The following FHIT variants were observed in gnomAD, a reference collection of about 807,000 sequenced individuals.
The protein encoded by FHIT is fragile histidine triad diadenosine triphosphatase, also known as bis(5'-adenosyl)-triphosphatase.
In FHIT, 19 loss-of-function variants were observed where a neutral mutation model predicts 17.9. The observed-to-expected ratio is 1.06, with a 90% CI of 0.74 to 1.56. The LOEUF is 1.56. Ranked by LOEUF, FHIT falls within the 40% of genes most tolerant of loss-of-function variation. The probability of loss-of-function intolerance (pLI) is 0.00; values close to 1 mark genes in which losing one functional copy is unlikely to be tolerated. For synonymous variants in FHIT, 81 were observed against 69.7 expected, an observed-to-expected ratio of 1.16 and a Z score of -0.81; for missense variants, 248 against 189.2, an observed-to-expected ratio of 1.31 and a Z score of -1.82.
At chr3:60,217,691 T>C (rs1559736000) in intron 5 of FHIT, among the ~76,000 whole-genome samples, 1 of 152,158 alleles carries the variant, frequency 6.6e-6, no homozygotes, top group Non-Finnish European at 1.5e-5. Flanking sequence ...TCACTCAACA[T>C]ATTCAAACCA....
At chr3:61,110,844 C>G (rs538022640) in intron 2 of FHIT, among the ~76,000 whole-genome samples, 5 of 152,148 alleles carry the variant, frequency 3.3e-5, no homozygotes, top group South Asian at 2.1e-4. Context: ...AAGTTCTTTA[C>G]TCTTGAAAAA....
At chr3:60,117,432 C>G (rs1705017372) in intron 5 of FHIT, among the ~76,000 whole-genome samples, 1 of 141,344 alleles carries the variant, frequency 7.1e-6, no homozygotes, top group Admixed American at 7.5e-5. Context: ...CAGTGATTAG[C>G]ATTCCTGTAC....
At chr3:60,823,255 A>C (rs1398694432) in intron 3 of FHIT, among the ~76,000 whole-genome samples, 1 of 152,182 alleles carries the variant, frequency 6.6e-6, no homozygotes, top group East Asian at 1.9e-4. Flanking sequence ...AGAAACACAA[A>C]GTAGGAAGGG....
intron 8 of FHIT, among the ~76,000 whole-genome samples, chr3:59,874,913 G>A (rs1172283135): frequency 6.6e-6 from 1 of 152,130 alleles, no homozygotes; most frequent in East Asian, 1.9e-4. Flanking sequence ...CCACAAGACA[G>A]CTTCCATTTT....
chr3:60,456,531 C>T (rs1463288245), intron 5 of FHIT, among the ~76,000 whole-genome samples: 5 of 152,178 alleles, frequency 3.3e-5, no homozygotes, highest in African/African-American at 1.2e-4. Context: ...GCATTTAACT[C>T]GACTTCCCCA....
At chr3:60,951,565 A>C (rs545858737) in intron 3 of FHIT, among the ~76,000 whole-genome samples, 12 of 152,240 alleles carry the variant, frequency 7.9e-5, no homozygotes, top group Non-Finnish European at 1.2e-4. Context: ...ACTGGAATGC[A>C]GGTCTCTTGA....
intron 4 of FHIT, among the ~76,000 whole-genome samples, chr3:60,809,547 A>G (rs781948762): frequency 6.6e-6 from 1 of 152,176 alleles, no homozygotes; most frequent in Non-Finnish European, 1.5e-5. Flanking sequence ...TCTCCTCTGA[A>G]GTTTCACTGA....
chr3:60,124,775 G>C (rs12107521), intron 5 of FHIT, among the ~76,000 whole-genome samples: 14 of 152,084 alleles, frequency 9.2e-5, no homozygotes, highest in Admixed American at 9.2e-4. Context: ...ACCCATGTTT[G>C]ACACCAACTA....
At chr3:61,199,578 G>A (rs1560064548) in intron 2 of FHIT, among the ~76,000 whole-genome samples, 1 of 151,978 alleles carries the variant, frequency 6.6e-6, no homozygotes, top group Non-Finnish European at 1.5e-5. Flanking sequence ...TCTAAAAGGG[G>A]TTTTCTCCAA....
At chr3:60,012,582 T>C (rs180939324) in intron 6 of FHIT, among the ~76,000 whole-genome samples, 1 of 152,282 alleles carries the variant, frequency 6.6e-6, no homozygotes, top group East Asian at 1.9e-4. Context: ...AATCAGATCT[T>C]AATAGAATAA....
At chr3:60,310,349 A>C (rs1576456574) in intron 5 of FHIT, among the ~76,000 whole-genome samples, 1 of 152,162 alleles carries the variant, frequency 6.6e-6, no homozygotes, top group Admixed American at 6.6e-5. Context: ...ACTGGTGCTG[A>C]AAAGAATAAG....
chr3:60,481,442 AC>A (rs1231398882), intron 5 of FHIT, among the ~76,000 whole-genome samples: 2 of 152,208 alleles, frequency 1.3e-5, no homozygotes, highest in African/African-American at 4.8e-5. Context: ...CAGGTCACCA[AC>A]AAAGGGAATC....
intron 2 of FHIT, among the ~76,000 whole-genome samples, chr3:61,148,443 A>T (rs2107035103): frequency 6.6e-6 from 1 of 152,258 alleles, no homozygotes; most frequent in South Asian, 2.1e-4. Context: ...TTTTACACAA[A>T]TGGAAGCATA....
At chr3:59,845,683 T>C (rs1038144303) in intron 8 of FHIT, among the ~76,000 whole-genome samples, 20 of 152,138 alleles carry the variant, frequency 1.3e-4, no homozygotes, top group African/African-American at 4.6e-4. Flanking sequence ...GAGACTTCAT[T>C]TGTGGCCTTG....
intron 9 of FHIT, 60 bp from the exon 10 acceptor site, chr3:59,749,639 T>TAGGAACA (rs1700776268): frequency 4.4e-6 from 1 of 228,706 alleles, no homozygotes. Context: ...ATCTTCTCTG[T>TAGGAACA]AGGAACAATG....
intron 8 of FHIT, among the ~76,000 whole-genome samples, chr3:59,869,484 C>CTTT (rs59589849): frequency 2.8e-5 from 3 of 105,460 alleles, no homozygotes; most frequent in African/African-American, 8.3e-5. Flanking sequence ...AAAGAACATC[C>CTTT]TTTTTTTTTT....
intron 5 of FHIT, among the ~76,000 whole-genome samples, chr3:60,380,973 CAG>C (rs10612042): frequency 0.32 from 48,027 of 151,976 alleles, 8,082 homozygotes; most frequent in Non-Finnish European, 0.37. Context: ...AAAAGCCACA[CAG>C]AGTGTTCCTA....
At chr3:60,129,225 G>A (rs1167755448) in intron 5 of FHIT, among the ~76,000 whole-genome samples, 1 of 151,644 alleles carries the variant, frequency 6.6e-6, no homozygotes, top group African/African-American at 2.4e-5. Flanking sequence ...GCTAATTTTT[G>A]TCTTTTTAGT....
chr3:59,805,477 G>T (rs1007239315), intron 8 of FHIT, among the ~76,000 whole-genome samples: 1 of 152,106 alleles, frequency 6.6e-6, no homozygotes, highest in Non-Finnish European at 1.5e-5. Flanking sequence ...TTGGAGAGGT[G>T]CCCTGAAGAA....
Sources: allele counts gnomAD v4.1 joint callset (sites outside exome capture counted in the v4.1 genomes callset), GRCh38; gene constraint gnomAD v4.1.1; transcripts MANE v1.5; gene names NCBI Gene and HGNC (gene_info 2026-07-23, HGNC 2026-07-21).